LIFR: variants seen among roughly 807,000 people sequenced by gnomAD.
The protein encoded by LIFR is LIF receptor subunit alpha.
LIFR carries 84 observed loss-of-function variants against 122.2 expected under a neutral mutation model. The ratio of observed to expected loss-of-function variants is 0.69; its 90% CI spans 0.58 to 0.82. The LOEUF (loss-of-function observed/expected upper bound fraction) is 0.82, where lower values mean the gene tolerates loss of function less well. LIFR is among the 40% of genes least tolerant of loss of function. LIFR has a pLI of 0.00. For missense variants in LIFR, 1,294 were observed against 1,311.6 expected, an observed-to-expected ratio of 0.99 and a Z score of 0.21; for synonymous variants, 422 against 434.7, an observed-to-expected ratio of 0.97 and a Z score of 0.36.
intron 5 of LIFR, among the ~76,000 whole-genome samples, chr5:38,514,231 G>C (rs1000896815): frequency 1.3e-5 from 2 of 152,106 alleles, no homozygotes; most frequent in African/African-American, 4.8e-5. Flanking sequence ...GGAGAAGACA[G>C]AGAAGGACAA....
At chr5:38,516,622 G>A (rs1223617965) in intron 5 of LIFR, among the ~76,000 whole-genome samples, 1 of 152,168 alleles carries the variant, frequency 6.6e-6, no homozygotes, top group African/African-American at 2.4e-5. Flanking sequence ...GTGTGAATTA[G>A]TTCAACCACT....
intron 1 of LIFR, among the ~76,000 whole-genome samples, chr5:38,580,905 A>C (rs1275432290): frequency 6.6e-6 from 1 of 151,874 alleles, no homozygotes; most frequent in Non-Finnish European, 1.5e-5. Context: ...GCTTATTACC[A>C]CTTTCTAGGC....
At chr5:38,587,416 C>T (rs1387975071) in intron 1 of LIFR, among the ~76,000 whole-genome samples, 2 of 150,652 alleles carry the variant, frequency 1.3e-5, no homozygotes, top group Non-Finnish European at 2.9e-5. Flanking sequence ...GCAGATGAGA[C>T]AAGATGCTGT....
chr5:38,608,200 GTTGAATTTCTA>G (rs1201503098), exon 1 of LIFR: 1 of 152,104 alleles, frequency 6.6e-6, no homozygotes, highest in Non-Finnish European at 1.5e-5. Flanking sequence ...GCTCCATTTA[GTTGAATTTCTA>G]TTCAATATTA....
chr5:38,545,871 G>GAAAAAAAAAAAAAAAAAAAAAAAAA, intron 1 of LIFR, among the ~76,000 whole-genome samples: 1 of 87,726 alleles, frequency 1.1e-5, no homozygotes, highest in Non-Finnish European at 2.3e-5. Flanking sequence ...CAAAAAAAAA[G>GAAAAAAAAAAAAAAAAAAAAAAAAA]AAAAAAAAAA....
At chr5:38,517,520 T>G (rs1354932877) in intron 5 of LIFR, among the ~76,000 whole-genome samples, 1 of 152,094 alleles carries the variant, frequency 6.6e-6, no homozygotes, top group Non-Finnish European at 1.5e-5. Context: ...AGACAAGACT[T>G]GCCATTAGAA....
chr5:38,553,647 TA>T (rs1238407697), intron 1 of LIFR, among the ~76,000 whole-genome samples: 23 of 96,644 alleles, frequency 2.4e-4, no homozygotes, highest in African/African-American at 1.1e-3. Context: ...TATATATATA[TA>T]TATATATATA....
chr5:38,561,928 T>A (rs1021189322), intron 1 of LIFR, among the ~76,000 whole-genome samples: 1 of 152,194 alleles, frequency 6.6e-6, no homozygotes, highest in East Asian at 1.9e-4. Flanking sequence ...TTTCCCCCGA[T>A]ACACTAACAT....
At chr5:38,548,576 T>A (rs1053834883) in intron 1 of LIFR, among the ~76,000 whole-genome samples, 20 of 152,194 alleles carry the variant, frequency 1.3e-4, no homozygotes, top group African/African-American at 4.8e-4. Context: ...GATGCCTACC[T>A]AGTGCCTGTT....
At position 38,489,068 on chromosome 5, in the gene LIFR, AT is replaced by A. The variant is rs1275397479; in HGVS notation, c.2335+9del. The A allele has an allele frequency of 5.6e-6, 9 of 1,609,526 alleles. No homozygotes were observed. In the African/African-American group the frequency reaches 1.1e-4, roughly 19 times the overall value. ...AAGAAACACTTTCCTTGTGCTATCAATTTACTCACCTGATTCTAAAACCCTC... is the reference window on the plus strand; with the variant it reads ...AAGAAACACTTTCCTTGTGCTATCAATTACTCACCTGATTCTAAAACCCTC... On this transcript the variant is annotated intron_variant, in intron 16 of 19. Transcript: ENST00000453190.
upstream of LIFR, among the ~76,000 whole-genome samples, chr5:38,598,211 CTTTTTTTT>C (rs869193908): frequency 4.8e-5 from 3 of 62,206 alleles, no homozygotes; most frequent in African/African-American, 1.9e-4. Flanking sequence ...TAAGGCACCT[CTTTTTTTT>C]TTTTTTTTTT....
chr5:38,502,252 T>C (rs952999206), intron 11 of LIFR, among the ~76,000 whole-genome samples: 6 of 152,144 alleles, frequency 3.9e-5, no homozygotes, highest in Admixed American at 3.3e-4. Flanking sequence ...AGGACTCTAA[T>C]AGCATTTTTT....
At chr5:38,537,641 T>C (rs1747362134) in intron 1 of LIFR, among the ~76,000 whole-genome samples, 1 of 147,306 alleles carries the variant, frequency 6.8e-6, no homozygotes, top group African/African-American at 2.5e-5. Context: ...TCCCAGTACT[T>C]CTCACTAATA....
At chr5:38,608,005 G>C (rs558895854) in intron 1 of LIFR, 2 of 152,168 alleles carry the variant, frequency 1.3e-5, no homozygotes, top group Admixed American at 6.6e-5. Flanking sequence ...TTTCAGAAAT[G>C]ATCTAGGCAC....
intron 8 of LIFR, 132 bp downstream of exon 8, chr5:38,506,371 T>C: frequency 9.4e-7 from 1 of 1,065,482 alleles, no homozygotes. Context: ...CTTATAAGTG[T>C]AATTTTATAC....
intron 14 of LIFR, 121 bp from the exon 15 acceptor site, chr5:38,490,412 A>G: frequency 2.0e-6 from 1 of 493,050 alleles, no homozygotes; most frequent in Non-Finnish European, 3.6e-6. Context: ...ATGTTTTCTT[A>G]TTAAAAAATA....
At chr5:38,567,250 C>T (rs1749053685) in intron 1 of LIFR, among the ~76,000 whole-genome samples, 1 of 152,114 alleles carries the variant, frequency 6.6e-6, no homozygotes, top group South Asian at 2.1e-4. Context: ...TGCAGACCCT[C>T]AGAGAAGTGA....
intron 1 of LIFR, among the ~76,000 whole-genome samples, chr5:38,535,030 G>A (rs190779081): frequency 1.8e-4 from 28 of 152,280 alleles, no homozygotes; most frequent in African/African-American, 6.0e-4. Flanking sequence ...ATCACCTTCC[G>A]TGTACCCATT....
intron 1 of LIFR, among the ~76,000 whole-genome samples, chr5:38,538,281 G>A (rs1051220261): frequency 1.3e-5 from 2 of 152,156 alleles, no homozygotes; most frequent in Non-Finnish European, 2.9e-5. Context: ...TGACTGAACA[G>A]TATTATCTGT....
Sources: gnomAD v4.1 joint callset for allele counts (sites outside exome capture counted in the v4.1 genomes callset) on GRCh38, gnomAD v4.1.1 for gene constraint, MANE v1.5 for transcripts, NCBI Gene and HGNC (gene_info 2026-07-23, HGNC 2026-07-21) for gene names.